Variants in FRMPD4 observed in about 807,000 individuals in gnomAD.
FRMPD4 encodes FERM and PDZ domain containing 4.
Under a neutral mutation model 94.1 loss-of-function variants are expected in FRMPD4, and 22 were observed. The observed-to-expected ratio is 0.23, with a 90% CI of 0.17 to 0.33. The LOEUF (loss-of-function observed/expected upper bound fraction) is 0.33, where lower values mean the gene tolerates loss of function less well. Among genes scored for constraint, FRMPD4 ranks in the 10% least tolerant of loss-of-function variants. FRMPD4 has a pLI of 1.00. For missense variants in FRMPD4, 1,111 were observed against 1,339.9 expected (o/e 0.83, Z 2.67); for synonymous variants, 631 against 548.6 (o/e 1.15, Z -2.10).
chrX:12,039,697 C>G (rs947029184), intron 3 of FRMPD4, among the ~76,000 whole-genome samples: 1 of 110,415 alleles, frequency 9.1e-6, no homozygotes, highest in Non-Finnish European at 1.9e-5. Flanking sequence ...AGGCTGGATA[C>G]GGTGGCTCAT....
intron 1 of FRMPD4, among the ~76,000 whole-genome samples, chrX:12,466,449 C>G (rs1183373857): frequency 8.9e-6 from 1 of 112,373 alleles, no homozygotes; most frequent in African/African-American, 3.2e-5. Flanking sequence ...TTTTGCCTCC[C>G]TGAATGCATC....
chrX:11,902,017 T>C (rs1042891193), intron 3 of FRMPD4, among the ~76,000 whole-genome samples: 14 of 112,255 alleles, frequency 1.2e-4, no homozygotes, highest in African/African-American at 3.6e-4. Context: ...GTTGAATGTA[T>C]AGTTTGTGAA....
intron 1 of FRMPD4, among the ~76,000 whole-genome samples, chrX:12,298,624 G>A (rs1043686709): frequency 2.7e-5 from 3 of 112,176 alleles, no homozygotes; most frequent in Non-Finnish European, 5.6e-5. Flanking sequence ...AACCATTCTC[G>A]TTGCAGGGCT....
chrX:12,352,722 TG>T (rs991333272), intron 1 of FRMPD4, among the ~76,000 whole-genome samples: 1 of 112,392 alleles, frequency 8.9e-6, no homozygotes, highest in Non-Finnish European at 1.9e-5. Context: ...GAGAATAGTT[TG>T]GCAACTTTTG....
chrX:12,228,466 C>A (rs2056948319), intron 1 of FRMPD4, among the ~76,000 whole-genome samples: 1 of 112,087 alleles, frequency 8.9e-6, no homozygotes, highest in South Asian at 3.7e-4. Context: ...ATACCCATTG[C>A]TTTACTTCTT....
chrX:12,053,428 AAG>A (rs1201796564), intron 3 of FRMPD4, among the ~76,000 whole-genome samples: 985 of 92,836 alleles, frequency 0.011, 5 homozygotes, highest in East Asian at 0.033. Flanking sequence ...GAAAGAAAGA[AAG>A]AGAAAGAAAG....
At chrX:12,648,452 T>C (rs952028713) in intron 4 of FRMPD4, among the ~76,000 whole-genome samples, 5 of 111,617 alleles carry the variant, frequency 4.5e-5, no homozygotes, top group African/African-American at 1.6e-4. Context: ...CCCTCCTATA[T>C]CTCGCATGTT....
chrX:12,638,429 T>A (rs2059462661), intron 4 of FRMPD4, among the ~76,000 whole-genome samples: 1 of 110,321 alleles, frequency 9.1e-6, no homozygotes, highest in Admixed American at 9.7e-5. Flanking sequence ...AGAGATAGGG[T>A]CTTGCCATGT....
chrX:12,681,026 A>G (rs2059966150), intron 5 of FRMPD4, among the ~76,000 whole-genome samples: 1 of 111,920 alleles, frequency 8.9e-6, no homozygotes, highest in Non-Finnish European at 1.9e-5. Flanking sequence ...TAGATGGAAC[A>G]CTTTAGAAAA....
chrX:12,367,485 C>T (rs183955851), intron 1 of FRMPD4, among the ~76,000 whole-genome samples: 1,329 of 112,240 alleles, frequency 0.012, 29 homozygotes, highest in African/African-American at 0.041. Context: ...CCCTAATTGC[C>T]GATTTCCACT....
chrX:12,275,681 G>A (rs1299034072), intron 1 of FRMPD4, among the ~76,000 whole-genome samples: 1 of 109,738 alleles, frequency 9.1e-6, no homozygotes, highest in Non-Finnish European at 1.9e-5. Context: ...AGGACAGAGG[G>A]TGGAAGTGAG....
At chrX:12,034,854 T>G (rs1216282586) in intron 3 of FRMPD4, among the ~76,000 whole-genome samples, 1 of 112,386 alleles carries the variant, frequency 8.9e-6, no homozygotes. Flanking sequence ...ACACAACTGA[T>G]AAAAGCAACC....
At chrX:12,635,141 A>G (rs1010830141) in intron 4 of FRMPD4, among the ~76,000 whole-genome samples, 2 of 111,978 alleles carry the variant, frequency 1.8e-5, no homozygotes, top group Non-Finnish European at 3.8e-5. Context: ...GCCAAAGTCC[A>G]TCTCCTTGGG....
chrX:11,980,314 A>G (rs746985410), intron 3 of FRMPD4, among the ~76,000 whole-genome samples: 3 of 111,028 alleles, frequency 2.7e-5, no homozygotes, highest in South Asian at 3.7e-4. Flanking sequence ...TTTTCCTAAT[A>G]TTTTAAAATT....
At chrX:12,070,471 A>G (rs193179686) in intron 3 of FRMPD4, among the ~76,000 whole-genome samples, 3 of 111,996 alleles carry the variant, frequency 2.7e-5, no homozygotes, top group East Asian at 2.8e-4. Context: ...CAACTATCCA[A>G]TTGAGTGGTA....
chrX:12,019,171 T>A (rs984226496), intron 3 of FRMPD4, among the ~76,000 whole-genome samples: 1 of 110,418 alleles, frequency 9.1e-6, no homozygotes, highest in East Asian at 2.8e-4. Flanking sequence ...TTAGAGATTT[T>A]TTTTTTTTTT....
intron 2 of FRMPD4, among the ~76,000 whole-genome samples, chrX:12,604,271 C>A (rs918873342): frequency 8.9e-6 from 1 of 111,878 alleles, no homozygotes; most frequent in African/African-American, 3.2e-5. Context: ...CCTCAAGACT[C>A]AGGCTTGCCC....
intron 1 of FRMPD4, among the ~76,000 whole-genome samples, chrX:12,285,471 T>A (rs1008509981): frequency 6.3e-5 from 7 of 111,262 alleles, no homozygotes; most frequent in African/African-American, 2.3e-4. Context: ...TGGAAGTGAC[T>A]AAGAGTCAGA....
chrX:12,322,671 C>T lies in FRMPD4; in HGVS notation c.42-176009C>T, dbSNP rs183208156. Reference sequence around the variant, plus strand: ...TGCTGCTCTGTAAGGCATGAGTGACCTGTATTTTCAAATTACAGCTCCAAA... The same window carrying T: ...TGCTGCTCTGTAAGGCATGAGTGACTTGTATTTTCAAATTACAGCTCCAAA... On this transcript the variant is annotated intron_variant, in intron 1 of 16. Transcript: ENST00000675598. 3.6e-5 allele frequency among the ~76,000 whole-genome samples: 4 copies of T among 111,097 alleles called. No homozygotes were observed. The Admixed American group carries it at 3.9e-4, about 11-fold the overall frequency.
Sources: allele counts gnomAD v4.1 joint callset (sites outside exome capture counted in the v4.1 genomes callset), GRCh38; gene constraint gnomAD v4.1.1; transcripts MANE v1.5; gene names NCBI Gene and HGNC (gene_info 2026-07-23, HGNC 2026-07-21).